PALD1: variants seen among roughly 807,000 people sequenced by gnomAD.
The protein encoded by PALD1 is paladin.
PALD1 carries 57 observed loss-of-function variants against 96.0 expected under a neutral mutation model. The observed-to-expected ratio is 0.59, with a 90% CI of 0.48 to 0.74. The LOEUF (loss-of-function observed/expected upper bound fraction) is 0.74. Ranked by LOEUF, PALD1 falls within the 30% of genes least tolerant of loss-of-function variation. The pLI, the probability that PALD1 is intolerant of heterozygous loss-of-function variation, is 0.00. For synonymous variants in PALD1, 464 were observed against 473.6 expected (o/e 0.98, Z 0.26); for missense variants, 1,063 against 1,143.7 (o/e 0.93, Z 1.02).
intron 1 of PALD1, among the ~76,000 whole-genome samples, chr10:70,510,752 G>C (rs1176624293): frequency 2.0e-5 from 3 of 152,212 alleles, no homozygotes; most frequent in Non-Finnish European, 4.4e-5. Flanking sequence ...AGAGGCTTGT[G>C]GTCTTTCTCT....
At chr10:70,513,891 G>A (rs1176408918) in intron 1 of PALD1, among the ~76,000 whole-genome samples, 1 of 152,164 alleles carries the variant, frequency 6.6e-6, no homozygotes, top group Non-Finnish European at 1.5e-5. Context: ...CGTGATGGCT[G>A]GCCCACACCC....
Position 70,567,060 on chromosome 10 carries a change from G to A in PALD1, c.*327G>A. 3.7e-6 allele frequency: 1 copy of A among 273,546 alleles called. No homozygotes were observed. Among genetic ancestry groups the A allele is most frequent in the Non-Finnish European group, 6.8e-6 (1 of 146,656 alleles). 16.9% of individuals were successfully genotyped at this position (273,546 alleles called of 1,614,324 possible). A position where few individuals can be genotyped will look rare whatever the true frequency, so the allele number is the denominator to read the frequency against. On this transcript the variant is annotated 3_prime_UTR_variant, in exon 20 of 20. Coordinates refer to ENST00000263563, the MANE Select transcript of PALD1 (RefSeq NM_014431.3). Reference sequence around the variant, plus strand: ...CTCCAAGGGGCTCACTCCCCCAGTTGCCAAACACTGTGGATCTCTCTGTCC... The same window carrying A: ...CTCCAAGGGGCTCACTCCCCCAGTTACCAAACACTGTGGATCTCTCTGTCC...
rs1435241443 is a variant in PALD1, at chr10:70,525,840, T to G, written c.-29-83T>G. 19 of 1,069,370 alleles carry G rather than the reference T, an allele frequency of 1.8e-5. 1 individual carries two copies. Among genetic ancestry groups the G allele is most frequent in the Non-Finnish European group, 2.2e-5 (16 of 711,692 alleles). The allele number at this position is 1,069,370 out of a possible 1,614,324, so 66.2% of individuals were successfully genotyped here. On this transcript the variant is annotated intron_variant, in intron 1 of 19. Coordinates refer to ENST00000263563, the MANE Select transcript of PALD1 (RefSeq NM_014431.3). ...GCAGAGTGAGCTGCCTTTCTCTGTA[T>G]GGTGGAGGGCGAGAGGTGGGTCAGG...
intron 7 of PALD1, 79 bp from the exon 8 acceptor site, chr10:70,533,843 T>C (rs943128892): frequency 2.2e-6 from 3 of 1,341,924 alleles, no homozygotes; most frequent in Admixed American, 5.3e-5. Context: ...TGGGCTGATG[T>C]CATGCTTTTC....
chr10:70,518,329 G>A (rs548001101), intron 1 of PALD1, among the ~76,000 whole-genome samples: 28 of 152,292 alleles, frequency 1.8e-4, no homozygotes, highest in African/African-American at 5.8e-4. Flanking sequence ...TTTTCTGCAC[G>A]TATTTGCATT....
chr10:70,464,837 A>G, the PALD1 span, among the ~76,000 whole-genome samples: 1 of 151,840 alleles, frequency 6.6e-6, no homozygotes, highest in Non-Finnish European at 1.5e-5. Context: ...CATGTTGGCC[A>G]GGCTGGTCTC....
the PALD1 span, among the ~76,000 whole-genome samples, chr10:70,467,074 C>T: frequency 2.0e-5 from 3 of 152,026 alleles, no homozygotes; most frequent in African/African-American, 4.8e-5. Flanking sequence ...CAGAAAGGGA[C>T]TTGTCCATGG....
intron 1 of PALD1, among the ~76,000 whole-genome samples, chr10:70,523,124 T>G (rs868066971): frequency 6.6e-6 from 1 of 152,374 alleles, no homozygotes; most frequent in African/African-American, 2.4e-5. Context: ...CCCTGCGGCC[T>G]GCAGCTGTGA....
chr10:70,529,973 C>G lies in PALD1; in HGVS notation c.373C>G (p.Gln125Glu). 1 of 1,612,408 alleles carries G rather than the reference C, an allele frequency of 6.2e-7. No homozygotes were observed. ...AAGCTGTGGGGCCCCCAACTTCCGGCAGGTGCAGGGTGGGCTCACTGTGTT... is the reference window on the plus strand; with the variant it reads ...AAGCTGTGGGGCCCCCAACTTCCGGGAGGTGCAGGGTGGGCTCACTGTGTT... The part of the protein sequence containing the change: ...VGSCGAPNFR[Q>E]VQGGLTVFGM... The change falls in exon 4 of 20, where the codon CAG (glutamine) becomes GAG (glutamate). Residue 125 changes from glutamine (Q) to glutamate (E), a missense_variant. By Grantham distance (29) the Gln-to-Glu change is conservative (BLOSUM62 2). Transcript: ENST00000263563.
intron 1 of PALD1, among the ~76,000 whole-genome samples, chr10:70,489,559 G>T (rs1194607928): frequency 6.6e-6 from 1 of 152,126 alleles, no homozygotes; most frequent in African/African-American, 2.4e-5. Context: ...CCTGTAGGGG[G>T]AGGGGAGGAC....
At chr10:70,487,935 GT>G (rs1002679230) in intron 1 of PALD1, among the ~76,000 whole-genome samples, 42 of 152,198 alleles carry the variant, frequency 2.8e-4, no homozygotes, top group African/African-American at 9.9e-4. Context: ...CTATGATTTT[GT>G]TTTTTCTGGA....
chr10:70,531,981 TAAAAAAAAAAAA>T (rs71472975), intron 5 of PALD1, among the ~76,000 whole-genome samples: 1 of 136,588 alleles, frequency 7.3e-6, no homozygotes, highest in Admixed American at 7.4e-5. Context: ...AAACTCTTTC[TAAAAAAAAAAAA>T]AGAAAAAGAA....
chr10:70,498,960 G>A (rs1323850703), intron 1 of PALD1, among the ~76,000 whole-genome samples: 1 of 151,896 alleles, frequency 6.6e-6, no homozygotes, highest in Non-Finnish European at 1.5e-5. Context: ...ATACGTCTTT[G>A]GGATTGAGTG....
At chr10:70,538,745 G>C in intron 12 of PALD1, 147 bp from the exon 13 acceptor site, 1 of 704,382 alleles carries the variant, frequency 1.4e-6, no homozygotes, top group Non-Finnish European at 2.5e-6. Context: ...TGCCAGGGCC[G>C]GGGGAAGCTC....
intron 18 of PALD1, among the ~76,000 whole-genome samples, chr10:70,553,498 T>C (rs1847524937): frequency 6.6e-6 from 1 of 152,194 alleles, no homozygotes; most frequent in South Asian, 2.1e-4. Flanking sequence ...CGGCCACACA[T>C]GTCCTGACAT....
At position 70,540,296 on chromosome 10, in the gene PALD1, T is replaced by C. The variant is rs1269863664; in HGVS notation, c.1908+534T>C. Reference sequence around the variant, plus strand: ...GGGTGGTGTGTGGAATGTGTGTGTGTGTGCATGTCTTTTTATGGAGTTTGT... The same window carrying C: ...GGGTGGTGTGTGGAATGTGTGTGTGCGTGCATGTCTTTTTATGGAGTTTGT... On this transcript the variant is annotated intron_variant, in intron 15 of 19. Transcript: ENST00000263563. This position sits in a 1 kb window ranked among gnomAD's most constrained non-coding sequence, Gnocchi z 4.2. Among the ~76,000 whole-genome samples the C allele has an allele frequency of 6.6e-6, 1 of 151,700 alleles. No individual in the cohort carries two copies. Among genetic ancestry groups the C allele is most frequent in the Non-Finnish European group, 1.5e-5 (1 of 67,906 alleles).
intron 19 of PALD1, 28 bp from the exon 20 acceptor site, chr10:70,566,553 A>G (rs1025521781): frequency 6.3e-7 from 1 of 1,578,156 alleles, no homozygotes. Context: ...CCCCTGAAAC[A>G]CTGCTCCTGC....
chr10:70,536,885 C>T (rs751057797), intron 10 of PALD1, among the ~76,000 whole-genome samples: 2 of 152,128 alleles, frequency 1.3e-5, no homozygotes, highest in Non-Finnish European at 2.9e-5. Context: ...ATCCGAGGGC[C>T]CTTGGGGTTC....
intron 18 of PALD1, among the ~76,000 whole-genome samples, chr10:70,561,196 C>T (rs139284533): frequency 4.2e-4 from 64 of 152,382 alleles, no homozygotes; most frequent in African/African-American, 1.4e-3. Flanking sequence ...CAGGCAGCCT[C>T]CATCCCCACG....
Sources: allele counts gnomAD v4.1 joint callset (sites outside exome capture counted in the v4.1 genomes callset), GRCh38; gene constraint gnomAD v4.1.1; non-coding constraint Gnocchi (gnomAD v3.1); transcripts MANE v1.5; gene names NCBI Gene and HGNC (gene_info 2026-07-23, HGNC 2026-07-21).